Variants in SPATA24 observed in about 807,000 individuals in gnomAD.
SPATA24 encodes spermatogenesis-associated protein 24.
A neutral mutation model predicts 28.9 loss-of-function variants in SPATA24; 21 were observed. The ratio of observed to expected loss-of-function variants is 0.73; its 90% CI spans 0.52 to 1.05. The LOEUF (loss-of-function observed/expected upper bound fraction) is 1.05. SPATA24 is among the 50% of genes least tolerant of loss of function. The pLI, the probability that SPATA24 is intolerant of heterozygous loss-of-function variation, is 0.00. For synonymous variants in SPATA24, 76 were observed against 89.9 expected (o/e 0.85, Z 0.88); for missense variants, 215 against 242.9 (o/e 0.88, Z 0.76).
chr5:139,402,373 C>T (rs1294915068), intron 2 of SPATA24, among the ~76,000 whole-genome samples: 1 of 151,532 alleles, frequency 6.6e-6, no homozygotes, highest in Non-Finnish European at 1.5e-5. Context: ...TGCCACCACG[C>T]ATGCTTGGCT....
chr5:139,393,129 A>T, downstream of SPATA24: 3 of 1,530,732 alleles, frequency 2.0e-6, no homozygotes, highest in Non-Finnish European at 2.6e-6. Context: ...GGTCGGCAGG[A>T]GGCGCAGGCA....
In SPATA24 at chr5:139,396,865, G is replaced by A. The variant is rs183526939; in HGVS notation, c.553C>T (p.Gln185Ter). ...QESYMAQVLD[Q>*]KHKKASGTRQ... The stretch of plus-strand genomic sequence containing the variant: ...GTCCCTGAGGCTTTCTTATGCTTCT[G>A]GTCCAGCACCTGGGCCATGTAGCTC... The change falls in exon 6 of 6, where the codon CAG (glutamine) becomes TAG (stop). Residue 185 changes from glutamine (Q) to a stop codon, truncating the protein, a stop_gained. Coordinates refer to ENST00000450845, the MANE Select transcript of SPATA24 (RefSeq NM_194296.2). LOFTEE classifies it high-confidence loss of function. 1.6e-4 allele frequency: 249 copies of A among 1,551,720 alleles called. No homozygotes were observed. The African/African-American group carries it at 3.0e-3, about 19-fold the overall frequency.
downstream of SPATA24, chr5:139,394,864 A>G (rs1361132875): frequency 6.5e-7 from 1 of 1,529,530 alleles, no homozygotes; most frequent in Non-Finnish European, 8.8e-7. Flanking sequence ...CTGGGCGCTG[A>G]CGGACAGGCG....
chr5:139,403,826 G>A, intron 1 of SPATA24, 118 bp downstream of exon 1: 1 of 856,950 alleles, frequency 1.2e-6, no homozygotes. Flanking sequence ...GCCTCCTCCT[G>A]ATGACGCCAT....
intron 4 of SPATA24, among the ~76,000 whole-genome samples, chr5:139,397,553 CTTTT>C (rs757853919): frequency 1.5e-5 from 2 of 135,534 alleles, no homozygotes; most frequent in East Asian, 2.0e-4. Flanking sequence ...CCTGCTTTCT[CTTTT>C]TTTTTTTTTT....
At position 139,396,884 on chromosome 5, in the gene SPATA24, G is replaced by A; in HGVS notation, c.534C>T (p.Tyr178=). The change falls in exon 6 of 6, where the codon TAC becomes TAT. Residue 178 remains tyrosine (Y), a synonymous_variant. Transcript: ENST00000450845. Reference sequence around the variant, plus strand: ...GCTTCTGGTCCAGCACCTGGGCCATGTAGCTCTCCTGCTGCTTCTGGATCC... The same window carrying A: ...GCTTCTGGTCCAGCACCTGGGCCATATAGCTCTCCTGCTGCTTCTGGATCC... ...DFRIQKQQES[Y]MAQVLDQKHK... is the part of the protein sequence containing the mutation. 1 of 1,551,736 alleles carries A rather than the reference G, an allele frequency of 6.4e-7. No individual in the cohort carries two copies. Among genetic ancestry groups the A allele is most frequent in the South Asian group, 1.2e-5 (1 of 84,064 alleles).
Position 139,402,611 on chromosome 5 carries a change from C to A in SPATA24, c.183+17G>T. The A allele has an allele frequency of 3.2e-6, 5 of 1,550,650 alleles. No homozygotes were observed. The highest frequency in any genetic ancestry group is 4.4e-6 in the Non-Finnish European group (5 of 1,146,110). ...GAAACGGGGGAAGATTAGGAGACCG[C>A]AGAGGCCATTACTTACCACCAGCTT... is the stretch of plus-strand genomic sequence containing the variant. On this transcript the variant is annotated intron_variant, in intron 2 of 5. Transcript: ENST00000450845.
chr5:139,393,771 C>G (rs1288633246), downstream of SPATA24: 96 of 1,551,318 alleles, frequency 6.2e-5, no homozygotes, highest in Non-Finnish European at 8.1e-5. Flanking sequence ...TTTGATTTTC[C>G]CACTCGGAGG....
chr5:139,396,314 T>C (rs1758704614), downstream of SPATA24: 1 of 985,332 alleles, frequency 1.0e-6, no homozygotes, highest in South Asian at 4.7e-5. Context: ...AGATTGTTTC[T>C]CCACCTTAAA....
chr5:139,394,329 C>A, downstream of SPATA24: 1 of 1,456,356 alleles, frequency 6.9e-7, no homozygotes, highest in African/African-American at 1.5e-5. Context: ...ACGCCGTCTG[C>A]ACGAAGCCCG....
downstream of SPATA24, chr5:139,394,438 CG>C: frequency 7.2e-7 from 1 of 1,394,560 alleles, no homozygotes; most frequent in Non-Finnish European, 9.2e-7. Context: ...ACTCTGGGGC[CG>C]GGGGCGCAGC....
downstream of SPATA24, chr5:139,394,324 G>T (rs1306248753): frequency 1.4e-6 from 2 of 1,468,840 alleles, no homozygotes; most frequent in Non-Finnish European, 1.8e-6. Flanking sequence ...GGCCAACGCC[G>T]TCTGCACGAA....
chr5:139,393,038 CG>C (rs1561988830), downstream of SPATA24: 2 of 1,526,986 alleles, frequency 1.3e-6, no homozygotes, highest in Non-Finnish European at 8.8e-7. Flanking sequence ...TTGATGAAAA[CG>C]GAAGTGTAGT....
chr5:139,393,876 C>T (rs1187025796), downstream of SPATA24: 1 of 1,551,168 alleles, frequency 6.4e-7, no homozygotes, highest in Non-Finnish European at 8.7e-7. Flanking sequence ...CCCGTACAGC[C>T]CCATTTGGAG....
chr5:139,392,947 G>T, downstream of SPATA24: 1 of 1,511,594 alleles, frequency 6.6e-7, no homozygotes, highest in South Asian at 1.3e-5. The surrounding 1 kb of genome is among the most constrained non-coding windows in gnomAD (Gnocchi z 5.8). Context: ...GACCCCGTTG[G>T]GCTGTGAGGC....
intron 4 of SPATA24, among the ~76,000 whole-genome samples, chr5:139,400,347 C>A (rs1040031317): frequency 7.0e-6 from 1 of 142,168 alleles, no homozygotes; most frequent in Non-Finnish European, 1.5e-5. Flanking sequence ...ACTTTTGTTG[C>A]CCAGGCTGGA....
At chr5:139,403,283 GAAC>G (rs1221601505) in intron 1 of SPATA24, among the ~76,000 whole-genome samples, 3 of 152,162 alleles carry the variant, frequency 2.0e-5, no homozygotes, top group Non-Finnish European at 4.4e-5. Context: ...AATTGTCTAA[GAAC>G]AACTTAGAAT....
At chr5:139,396,652 C>T (rs1428354397), downstream of SPATA24, 22 of 1,507,674 alleles carry the variant, frequency 1.5e-5, no homozygotes, top group Non-Finnish European at 1.9e-5. Flanking sequence ...GACCCAGCTC[C>T]TCCCCTAGGC....
chr5:139,393,675 C>T, downstream of SPATA24: 1 of 1,550,882 alleles, frequency 6.4e-7, no homozygotes, highest in South Asian at 1.2e-5. Context: ...GGGACGGGCT[C>T]CTTTCCCCAG....
Sources: gnomAD v4.1 joint callset for allele counts (sites outside exome capture counted in the v4.1 genomes callset) on GRCh38, gnomAD v4.1.1 for gene constraint, Gnocchi (gnomAD v3.1) non-coding constraint, MANE v1.5 for transcripts, NCBI Gene and HGNC (gene_info 2026-07-23, HGNC 2026-07-21) for gene names.